ZDHHC13: variants seen among roughly 807,000 people sequenced by gnomAD.
The protein encoded by ZDHHC13 is zDHHC palmitoyltransferase 13, also known as palmitoyltransferase ZDHHC13.
In ZDHHC13, 85 loss-of-function variants were observed where a neutral mutation model predicts 86.0. The observed-to-expected ratio is 0.99, with a 90% CI of 0.83 to 1.18. The LOEUF is 1.18. ZDHHC13 is among the 50% of genes most tolerant of loss of function. ZDHHC13 has a pLI of 0.00. For synonymous variants in ZDHHC13, 263 were observed against 246.4 expected (o/e 1.07, Z -0.63); for missense variants, 711 against 730.2 (o/e 0.97, Z 0.30).
chr11:19,147,505 A>G, intron 3 of ZDHHC13, 91 bp from the exon 4 acceptor site: 3 of 1,116,142 alleles, frequency 2.7e-6, no homozygotes, highest in East Asian at 5.2e-5. Context: ...GTTCTCCAAC[A>G]TATTTATTAC....
intron 16 of ZDHHC13, among the ~76,000 whole-genome samples, chr11:19,175,555 G>A (rs975441227): frequency 3.9e-5 from 6 of 151,988 alleles, no homozygotes; most frequent in Admixed American, 3.9e-4. Context: ...CATTAAGTGG[G>A]GAATCCAAAA....
intron 1 of ZDHHC13, among the ~76,000 whole-genome samples, chr11:19,134,340 A>G (rs959907417): frequency 6.6e-6 from 1 of 152,138 alleles, no homozygotes; most frequent in Non-Finnish European, 1.5e-5. Flanking sequence ...TACAAAACTA[A>G]AAACTAAAAA....
At chr11:19,153,602 T>A (rs900725169) in intron 8 of ZDHHC13, among the ~76,000 whole-genome samples, 1 of 152,184 alleles carries the variant, frequency 6.6e-6, no homozygotes, top group Non-Finnish European at 1.5e-5. Context: ...CATCTCTTGT[T>A]GGTAGGGTGC....
chr11:19,135,747 T>C (rs1018842675), intron 1 of ZDHHC13, among the ~76,000 whole-genome samples: 5 of 152,222 alleles, frequency 3.3e-5, no homozygotes, highest in Non-Finnish European at 7.3e-5. Context: ...GACTGCCTCC[T>C]CAAGTGGGTC....
intron 9 of ZDHHC13, among the ~76,000 whole-genome samples, chr11:19,158,191 C>A (rs1025207269): frequency 6.6e-6 from 1 of 151,916 alleles, no homozygotes; most frequent in Non-Finnish European, 1.5e-5. Context: ...TTTTTTTTAA[C>A]CCTTCATACC....
chr11:19,138,347 C>T (rs894319949), intron 1 of ZDHHC13, among the ~76,000 whole-genome samples: 1 of 151,776 alleles, frequency 6.6e-6, no homozygotes. Context: ...CATACACTCT[C>T]CCAAGACTAA....
chr11:19,142,970 CTCT>C lies in ZDHHC13; in HGVS notation c.28-5_28-3del. On this transcript the variant is annotated splice_polypyrimidine_tract_variant and splice_region_variant and intron_variant, in intron 1 of 16. Transcript: ENST00000446113. ...CTCATGCTTTGTCAAATGACTCTTA[CTCT>C]TCAGTGCAGGAATCACAGCCATGGC... The C allele has an allele frequency of 6.3e-7, 1 of 1,598,440 alleles. No individual in the cohort carries two copies. The highest frequency in any genetic ancestry group is 8.5e-7 in the Non-Finnish European group (1 of 1,171,580).
intron 1 of ZDHHC13, among the ~76,000 whole-genome samples, chr11:19,124,054 T>C (rs1848815475): frequency 6.6e-6 from 1 of 152,142 alleles, no homozygotes; most frequent in South Asian, 2.1e-4. Context: ...TCCTATAGAA[T>C]TAGAATGCCC....
intron 1 of ZDHHC13, among the ~76,000 whole-genome samples, chr11:19,121,837 A>G (rs1848765268): frequency 6.6e-6 from 1 of 152,136 alleles, no homozygotes; most frequent in Non-Finnish European, 1.5e-5. Context: ...TCACTTTACC[A>G]ACGTAGAAAT....
At chr11:19,143,182 T>C in intron 2 of ZDHHC13, 59 bp downstream of exon 2, 1 of 1,526,328 alleles carries the variant, frequency 6.6e-7, no homozygotes, top group Middle Eastern at 1.9e-4. Flanking sequence ...TAGTAATATA[T>C]GTGTAGTTCA....
rs1850362671 is a variant in ZDHHC13, at chr11:19,176,310, AT to A, written c.*355del. The A allele has an allele frequency of 6.3e-6, 1 of 158,062 alleles. No individual in the cohort carries two copies. Among genetic ancestry groups the A allele is most frequent in the Non-Finnish European group, 1.4e-5 (1 of 71,960 alleles). 9.8% of individuals were successfully genotyped at this position (158,062 alleles called of 1,614,324 possible). A position where few individuals can be genotyped will look rare whatever the true frequency, so the allele number is the denominator to read the frequency against. ...AATAGTACTATTCTTTAAACTTGTA[AT>A]TTTTGCTAAGTTATTTGTCTTTGTT... is the stretch of plus-strand genomic sequence containing the variant. On this transcript the variant is annotated 3_prime_UTR_variant, in exon 17 of 17. Coordinates refer to ENST00000446113, the MANE Select transcript of ZDHHC13 (RefSeq NM_019028.3).
At chr11:19,167,452 C>T (rs952672794) in intron 14 of ZDHHC13, 1 of 152,072 alleles carries the variant, frequency 6.6e-6, no homozygotes, top group Non-Finnish European at 1.5e-5. Context: ...GTACACTTGC[C>T]CCCCAGGCTC....
intron 3 of ZDHHC13, among the ~76,000 whole-genome samples, chr11:19,147,073 A>G (rs1217268780): frequency 6.6e-6 from 1 of 152,188 alleles, no homozygotes; most frequent in African/African-American, 2.4e-5. Context: ...CACCTTATAC[A>G]GTGCCTCTCA....
chr11:19,140,523 C>A (rs961289667), intron 1 of ZDHHC13, among the ~76,000 whole-genome samples: 3 of 152,144 alleles, frequency 2.0e-5, no homozygotes, highest in Non-Finnish European at 2.9e-5. Context: ...CCTCAGGGAT[C>A]TAGAACTAGA....
chr11:19,171,306 G>A (rs142724480), intron 15 of ZDHHC13, among the ~76,000 whole-genome samples: 2 of 152,264 alleles, frequency 1.3e-5, no homozygotes, highest in East Asian at 1.9e-4. Flanking sequence ...TGCCCATGTG[G>A]AATGGGCAGC....
In ZDHHC13 at chr11:19,150,185, C is replaced by T. The variant is rs77389638; in HGVS notation, c.520-542C>T. 6.8e-3 allele frequency among the ~76,000 whole-genome samples: 1,042 copies of T among 152,196 alleles called. 9 individuals carry two copies. Among genetic ancestry groups the T allele is most frequent in the African/African-American group, 0.024 (983 of 41,532 alleles). On this transcript the variant is annotated intron_variant, in intron 5 of 16. Transcript: ENST00000446113. The stretch of plus-strand genomic sequence containing the variant: ...ACCTAGACCTGTCTTATTAAAAGGA[C>T]TGTATCCTCATGGAAATATGATTTC...
At position 19,158,940 on chromosome 11, in the gene ZDHHC13, G is replaced by A; in HGVS notation, c.1008G>A (p.Arg336=). 6.6e-7 allele frequency: 1 copy of A among 1,515,932 alleles called. No individual in the cohort carries two copies. Among genetic ancestry groups the A allele is most frequent in the East Asian group, 2.5e-5 (1 of 40,228 alleles). 93.9% of individuals were successfully genotyped at this position (1,515,932 alleles called of 1,614,324 possible). A position where few individuals can be genotyped will look rare whatever the true frequency, so the allele number is the denominator to read the frequency against. The change falls in exon 10 of 17, where the codon AGG becomes AGA. Residue 336 remains arginine, a splice_region_variant and synonymous_variant. Coordinates refer to ENST00000446113, the MANE Select transcript of ZDHHC13 (RefSeq NM_019028.3). The part of the protein sequence containing the change: ...TLFFLTSLFP[R]FLVGYKNLVY... ...CTTATATTTATCTTTTTTCTTTTAGGTTCTTGGTTGGGTATAAGAACCTTG... is the reference window on the plus strand; with the variant it reads ...CTTATATTTATCTTTTTTCTTTTAGATTCTTGGTTGGGTATAAGAACCTTG...
intron 1 of ZDHHC13, among the ~76,000 whole-genome samples, chr11:19,132,145 A>T (rs888708768): frequency 6.6e-6 from 1 of 152,038 alleles, no homozygotes; most frequent in African/African-American, 2.4e-5. Context: ...TTTTGATTTG[A>T]TAGTGGACTT....
At chr11:19,125,559 A>G (rs1848855787) in intron 1 of ZDHHC13, among the ~76,000 whole-genome samples, 1 of 152,212 alleles carries the variant, frequency 6.6e-6, no homozygotes, top group Admixed American at 6.5e-5. Flanking sequence ...AGTTTCTCAT[A>G]AATTTAAATA....
Sources: allele counts gnomAD v4.1 joint callset (sites outside exome capture counted in the v4.1 genomes callset), GRCh38; gene constraint gnomAD v4.1.1; transcripts MANE v1.5; gene names NCBI Gene and HGNC (gene_info 2026-07-23, HGNC 2026-07-21).